The following FKBP5 variants were observed in gnomAD, a reference collection of about 807,000 sequenced individuals.
FKBP5 encodes FKBP prolyl isomerase 5.
In FKBP5, 23 loss-of-function variants were observed where a neutral mutation model predicts 50.5. The ratio of observed to expected loss-of-function variants is 0.46; its 90% CI spans 0.33 to 0.65. FKBP5 has a LOEUF of 0.65. Ranked by LOEUF, FKBP5 falls within the 30% of genes least tolerant of loss-of-function variation. FKBP5 has a pLI of 0.02. For synonymous variants in FKBP5, 176 were observed against 190.6 expected (o/e 0.92, Z 0.63); for missense variants, 411 against 553.1 (o/e 0.74, Z 2.58).
intron 2 of FKBP5, among the ~76,000 whole-genome samples, chr6:35,639,698 G>A (rs1764422638): frequency 6.6e-6 from 1 of 152,072 alleles, no homozygotes. Context: ...TTATTCTATA[G>A]CTGCAAGTCC....
At chr6:35,656,070 AATACTGTATCCTCTTACAGTACTAGCTC>A (rs1561880231) in intron 1 of FKBP5, among the ~76,000 whole-genome samples, 1 of 152,344 alleles carries the variant, frequency 6.6e-6, no homozygotes, top group East Asian at 1.9e-4. Context: ...AGTTTTATGT[AATACTGTATCCTCTTACAGTACTAGCTC>A]ATTAAAACAC....
At position 35,620,124 on chromosome 6, in the gene FKBP5, A is replaced by G; in HGVS notation, c.393+8T>C. ...ATGCTGACAAGGCAACATCACACAC[A>G]TACTTGCCTCAAAAAAGAGAGTTGC... On this transcript the variant is annotated splice_region_variant and intron_variant, in intron 4 of 10. Coordinates refer to ENST00000357266, the MANE Select transcript of FKBP5 (RefSeq NM_004117.4). 1.2e-6 allele frequency: 2 copies of G among 1,614,132 alleles called. No homozygotes were observed. Among genetic ancestry groups the G allele is most frequent in the Non-Finnish European group, 8.5e-7 (1 of 1,180,012 alleles).
At chr6:35,705,737 T>C (rs1381302178) in intron 2 of FKBP5, among the ~76,000 whole-genome samples, 1 of 152,166 alleles carries the variant, frequency 6.6e-6, no homozygotes, top group East Asian at 1.9e-4. Flanking sequence ...GCTAGGTCCT[T>C]ACCTCATTTC....
intron 1 of FKBP5, among the ~76,000 whole-genome samples, chr6:35,683,353 T>C (rs1765734568): frequency 6.6e-6 from 1 of 152,038 alleles, no homozygotes; most frequent in Non-Finnish European, 1.5e-5. Flanking sequence ...GGTCTTACTA[T>C]GTTGCCCAGG....
chr6:35,606,973 C>T lies in FKBP5; in HGVS notation c.509-9569G>A, dbSNP rs527905172. ...GTTTGTTTTTTGAGACAGAGTCTCACTCTGTTGCCCAGGCTGGACTGCAGT... is the reference window on the plus strand; with the variant it reads ...GTTTGTTTTTTGAGACAGAGTCTCATTCTGTTGCCCAGGCTGGACTGCAGT... On this transcript the variant is annotated intron_variant, in intron 5 of 10. Transcript: ENST00000357266. Among the ~76,000 whole-genome samples the T allele has an allele frequency of 3.7e-4, 57 of 152,324 alleles. No homozygotes were observed. The South Asian group carries it at 0.011, about 30-fold the overall frequency.
chr6:35,699,975 A>C (rs1298541023), intron 2 of FKBP5, among the ~76,000 whole-genome samples: 1 of 151,958 alleles, frequency 6.6e-6, no homozygotes, highest in African/African-American at 2.4e-5. Context: ...TGAACCCAGG[A>C]GGCAGAGACT....
intron 5 of FKBP5, among the ~76,000 whole-genome samples, chr6:35,618,620 C>A (rs1252954188): frequency 6.6e-6 from 1 of 152,208 alleles, no homozygotes; most frequent in African/African-American, 2.4e-5. Context: ...AAGAGATCCT[C>A]CTGCCTCGGC....
Position 35,684,672 on chromosome 6 carries a change from T to C in FKBP5, c.-20+4132A>G, listed in dbSNP as rs1373945513. Among the ~76,000 whole-genome samples, 5 of 152,196 alleles carry C rather than the reference T, an allele frequency of 3.3e-5. No homozygotes were observed. The East Asian group carries it at 9.6e-4, about 29-fold the overall frequency. ...AAGGGTAAAAAACAAATACAACAAA[T>C]ATATAGACCCCACACTCCCTCTGGT... is the stretch of plus-strand genomic sequence containing the variant. On this transcript the variant is annotated intron_variant, in intron 1 of 10. Transcript: ENST00000357266.
At chr6:35,677,580 C>A (rs561414664) in intron 1 of FKBP5, among the ~76,000 whole-genome samples, 1 of 152,280 alleles carries the variant, frequency 6.6e-6, no homozygotes, top group African/African-American at 2.4e-5. Flanking sequence ...GGGGAGAATT[C>A]ATCCTGGGCC....
intron 5 of FKBP5, among the ~76,000 whole-genome samples, chr6:35,608,231 A>C (rs577459900): frequency 6.6e-6 from 1 of 152,304 alleles, no homozygotes; most frequent in East Asian, 1.9e-4. Context: ...AAAGCAAAAA[A>C]GGATGGAGGG....
chr6:35,594,345 G>C (rs974311723), intron 6 of FKBP5, among the ~76,000 whole-genome samples: 5 of 152,042 alleles, frequency 3.3e-5, no homozygotes, highest in Non-Finnish European at 4.4e-5. Flanking sequence ...CCTGTCTCGG[G>C]GGGTGGGGGA....
chr6:35,591,722 A>G (rs190461878), intron 6 of FKBP5, among the ~76,000 whole-genome samples: 3 of 152,322 alleles, frequency 2.0e-5, no homozygotes, highest in Non-Finnish European at 1.5e-5. Flanking sequence ...TTCCAGTCAC[A>G]TAAGTGAAGG....
intron 3 of FKBP5, among the ~76,000 whole-genome samples, chr6:35,630,843 T>G (rs1009140457): frequency 1.3e-5 from 2 of 152,198 alleles, no homozygotes; most frequent in African/African-American, 2.4e-5. Flanking sequence ...TAAAGCTGAC[T>G]TAATCAGAAG....
chr6:35,635,643 C>T lies in FKBP5; in HGVS notation c.250+1371G>A, dbSNP rs112701458. 5.4e-3 allele frequency among the ~76,000 whole-genome samples: 824 copies of T among 151,502 alleles called. 11 individuals carry two copies. The highest frequency in any genetic ancestry group is 0.018 in the African/African-American group (752 of 41,246). ...TTTAATAATTCATTTTAGAATAACC[C>T]CATGTTAATATAAGTAATTTAATTT... On this transcript the variant is annotated intron_variant, in intron 3 of 10. Coordinates refer to ENST00000357266, the MANE Select transcript of FKBP5 (RefSeq NM_004117.4).
At chr6:35,724,129 G>A (rs887099551) in intron 1 of FKBP5, among the ~76,000 whole-genome samples, 1 of 152,230 alleles carries the variant, frequency 6.6e-6, no homozygotes, top group Admixed American at 6.5e-5. Context: ...CCAAAGGCCT[G>A]CTGTAAACGG....
chr6:35,597,488 ATGT>A, intron 5 of FKBP5, 84 bp from the exon 6 acceptor site: 1 of 1,429,682 alleles, frequency 7.0e-7, no homozygotes. Context: ...GTGGTCGACA[ATGT>A]AGCAAATACC....
chr6:35,588,640 G>A lies in FKBP5; in HGVS notation c.757-1523C>T, dbSNP rs142313706. On this transcript the variant is annotated intron_variant, in intron 7 of 10. Transcript: ENST00000357266. The stretch of plus-strand genomic sequence containing the variant: ...TTTTGAGACAGGATCTTGCTCTGTC[G>A]TCCAGGCTGGAGTGCAGTGGCACGA... Among the ~76,000 whole-genome samples the A allele has an allele frequency of 2.1e-4, 32 of 151,342 alleles. No individual in the cohort carries two copies. In the East Asian group the frequency reaches 4.9e-3, roughly 23 times the overall value.
rs372077070 is a variant in FKBP5 at position 35,715,487 on chromosome 6, A to G, written c.-20+4841T>C. ...TGCCATTATTGCCAGCACTATTATA[A>G]AATGTGTTCCAATAGAGACAAAGAG... On this transcript the variant is annotated intron_variant, in intron 2 of 11. Transcript: ENST00000536438. 1.5e-4 allele frequency among the ~76,000 whole-genome samples: 23 copies of G among 152,308 alleles called. No individual in the cohort carries two copies. The East Asian group carries it at 4.2e-3, about 28-fold the overall frequency.
At chr6:35,604,577 A>C (rs1158414501) in intron 5 of FKBP5, among the ~76,000 whole-genome samples, 1 of 152,182 alleles carries the variant, frequency 6.6e-6, no homozygotes, top group African/African-American at 2.4e-5. Context: ...GCTCCATCAG[A>C]TCTCAATATG....
Sources: allele counts gnomAD v4.1 joint callset (sites outside exome capture counted in the v4.1 genomes callset), GRCh38; gene constraint gnomAD v4.1.1; transcripts MANE v1.5; gene names NCBI Gene and HGNC (gene_info 2026-07-23, HGNC 2026-07-21).